CDC42BPA: variants seen among roughly 807,000 people sequenced by gnomAD.
CDC42BPA encodes CDC42 binding protein kinase alpha, also known as serine/threonine-protein kinase MRCK alpha.
Under a neutral mutation model 223.5 loss-of-function variants are expected in CDC42BPA, and 80 were observed. The observed-to-expected ratio is 0.36, with a 90% CI of 0.30 to 0.43. CDC42BPA has a LOEUF of 0.43. Among genes scored for constraint, CDC42BPA ranks in the 20% least tolerant of loss-of-function variants. The probability of loss-of-function intolerance (pLI) is 1.00; values close to 1 mark genes in which losing one functional copy is unlikely to be tolerated. For missense variants in CDC42BPA, 1,743 were observed against 2,099.9 expected (o/e 0.83, Z 3.32); for synonymous variants, 694 against 718.6 (o/e 0.97, Z 0.55).
intron 24 of CDC42BPA, 115 bp downstream of exon 24, chr1:227,040,016 G>T: frequency 1.4e-6 from 1 of 706,674 alleles, no homozygotes; most frequent in Non-Finnish European, 2.5e-6. Flanking sequence ...TTCCTGTTAT[G>T]CAAAAAAGCA....
intron 35 of CDC42BPA, among the ~76,000 whole-genome samples, chr1:226,996,948 G>A (rs1311466287): frequency 1.3e-5 from 2 of 152,204 alleles, no homozygotes; most frequent in Non-Finnish European, 2.9e-5. Context: ...CTAGGTTTTG[G>A]TATCAGGATG....
chr1:227,072,048 T>A (rs186264319), intron 20 of CDC42BPA, among the ~76,000 whole-genome samples, 160 bp downstream of exon 20: 6 of 151,966 alleles, frequency 3.9e-5, no homozygotes, highest in Non-Finnish European at 8.8e-5. Context: ...TGTGTGTGTA[T>A]GCACATGCAT....
chr1:227,207,153 A>T (rs1274094223), intron 3 of CDC42BPA, among the ~76,000 whole-genome samples: 2 of 129,892 alleles, frequency 1.5e-5, no homozygotes, highest in Non-Finnish European at 3.1e-5. Flanking sequence ...TCATTGTTCA[A>T]TTCCCACCTA....
At chr1:227,295,885 T>C (rs923556572) in intron 1 of CDC42BPA, among the ~76,000 whole-genome samples, 16 of 152,176 alleles carry the variant, frequency 1.1e-4, no homozygotes, top group African/African-American at 2.9e-4. Flanking sequence ...ACTTTGTACA[T>C]CAATCAGCCA....
intron 5 of CDC42BPA, among the ~76,000 whole-genome samples, chr1:227,189,666 G>A (rs776176119): frequency 1.3e-4 from 20 of 152,016 alleles, no homozygotes; most frequent in African/African-American, 2.4e-4. Context: ...TTAATTATTC[G>A]TACCATTTGC....
Position 227,016,083 on chromosome 1 carries a change from G to A in CDC42BPA, c.4854C>T (p.Pro1618=), listed in dbSNP as rs1457566980. ...GDGIQILKDL[P]MNPRPQESRT... ...ACTCACTCTTAATTCCTCTTACCATGGGCAGATCTTTCAGGATCTGTATTC... is the reference window on the plus strand; with the variant it reads ...ACTCACTCTTAATTCCTCTTACCATAGGCAGATCTTTCAGGATCTGTATTC... The change falls in exon 34 of 37, where the codon CCC becomes CCT. Residue 1618 remains proline (P), a synonymous_variant. Transcript: ENST00000366766. 3 of 1,531,640 alleles carry A rather than the reference G, an allele frequency of 2.0e-6. No individual in the cohort carries two copies. The South Asian group carries it at 3.4e-5, about 17-fold the overall frequency. The allele number at this position is 1,531,640 out of a possible 1,614,324, so 94.9% of individuals were successfully genotyped here.
chr1:227,267,812 AT>A (rs1220687211), intron 1 of CDC42BPA, among the ~76,000 whole-genome samples: 1 of 152,168 alleles, frequency 6.6e-6, no homozygotes, highest in East Asian at 1.9e-4. Flanking sequence ...CATGGGGGAA[AT>A]TGGCCCCATG....
At chr1:227,198,034 T>A (rs1407784537) in intron 4 of CDC42BPA, among the ~76,000 whole-genome samples, 1 of 152,174 alleles carries the variant, frequency 6.6e-6, no homozygotes, top group Non-Finnish European at 1.5e-5. Context: ...TAACCCACAA[T>A]AATATATATG....
At chr1:227,268,891 C>T (rs1302038962) in intron 1 of CDC42BPA, among the ~76,000 whole-genome samples, 1 of 151,784 alleles carries the variant, frequency 6.6e-6, no homozygotes, top group Non-Finnish European at 1.5e-5. Context: ...TGCCATGTTG[C>T]CCAGGCTGGT....
chr1:227,010,924 G>C (rs754134437), intron 34 of CDC42BPA: 1 of 1,365,174 alleles, frequency 7.3e-7, no homozygotes, highest in Non-Finnish European at 9.8e-7. Context: ...GCGCAGAGAC[G>C]GGGAATATTC....
chr1:227,109,493 G>C (rs1316453409), intron 14 of CDC42BPA, among the ~76,000 whole-genome samples: 1 of 152,036 alleles, frequency 6.6e-6, no homozygotes, highest in African/African-American at 2.4e-5. Flanking sequence ...AGCCACCAGA[G>C]TAGCTGGGAT....
intron 6 of CDC42BPA, 92 bp from the exon 7 acceptor site, chr1:227,147,651 A>C: frequency 3.1e-5 from 19 of 614,818 alleles, no homozygotes; most frequent in Non-Finnish European, 5.1e-5. Context: ...TTATTATCTC[A>C]TAAACACATC....
At chr1:227,201,160 T>G (rs912508372) in intron 3 of CDC42BPA, among the ~76,000 whole-genome samples, 4 of 152,156 alleles carry the variant, frequency 2.6e-5, no homozygotes, top group Non-Finnish European at 5.9e-5. Context: ...TTAACCTTTT[T>G]TTTTGAGACA....
intron 34 of CDC42BPA, among the ~76,000 whole-genome samples, chr1:227,009,425 T>G (rs996202163): frequency 2.6e-5 from 4 of 152,118 alleles, no homozygotes; most frequent in African/African-American, 7.2e-5. Context: ...TATTATTATT[T>G]TGAGACATAG....
At chr1:227,096,383 T>C (rs918623121) in intron 15 of CDC42BPA, among the ~76,000 whole-genome samples, 1 of 152,166 alleles carries the variant, frequency 6.6e-6, no homozygotes, top group Non-Finnish European at 1.5e-5. Flanking sequence ...AAAGAAACTC[T>C]CCCCATACCC....
In CDC42BPA at chr1:227,163,164, GTA is replaced by G. The variant is rs1191893764; in HGVS notation, c.600-2530_600-2529del. On this transcript the variant is annotated intron_variant, in intron 5 of 36. Coordinates refer to ENST00000366766, the MANE Select transcript of CDC42BPA (RefSeq NM_001394014.1). ...TGTATGTTTCCAAACATATATGTGT[GTA>G]TATGTTTCCAAACATATGTGTGTAT... Among the ~76,000 whole-genome samples the G allele has an allele frequency of 1.5e-3, 228 of 148,688 alleles. 1 individual carries two copies. The highest frequency in any genetic ancestry group is 3.4e-3 in the Middle Eastern group (1 of 290).
At chr1:227,289,235 A>T (rs557802929) in intron 1 of CDC42BPA, among the ~76,000 whole-genome samples, 2 of 152,226 alleles carry the variant, frequency 1.3e-5, no homozygotes, top group African/African-American at 4.8e-5. Flanking sequence ...CTTAGAGGAA[A>T]ATATAAACTC....
At chr1:227,061,282 T>C (rs911421106) in intron 21 of CDC42BPA, among the ~76,000 whole-genome samples, 3 of 152,166 alleles carry the variant, frequency 2.0e-5, no homozygotes, top group Non-Finnish European at 2.9e-5. Context: ...CTAGCTATCA[T>C]CTATCTCCCT....
intron 6 of CDC42BPA, among the ~76,000 whole-genome samples, chr1:227,152,411 C>G (rs538405120): frequency 2.6e-5 from 4 of 152,118 alleles, no homozygotes; most frequent in African/African-American, 9.6e-5. Flanking sequence ...GTGAGTGTTA[C>G]ACGTTGAGTT....
Sources: gnomAD v4.1 joint callset for allele counts (sites outside exome capture counted in the v4.1 genomes callset) on GRCh38, gnomAD v4.1.1 for gene constraint, MANE v1.5 for transcripts, NCBI Gene and HGNC (gene_info 2026-07-23, HGNC 2026-07-21) for gene names.